ABITRAM: variants seen among roughly 807,000 people sequenced by gnomAD.
ABITRAM encodes the protein actin binding transcription modulator, also known as protein Abitram.
ABITRAM carries 19 observed loss-of-function variants against 22.9 expected under a neutral mutation model. The observed-to-expected ratio is 0.83, with a 90% CI of 0.58 to 1.22. ABITRAM has a LOEUF of 1.22. Among genes scored for constraint, ABITRAM ranks in the 50% most tolerant of loss-of-function variants. ABITRAM has a pLI of 0.00. For missense variants in ABITRAM, 215 were observed against 220.2 expected (o/e 0.98, Z 0.15); for synonymous variants, 70 against 73.9 (o/e 0.95, Z 0.27).
rs1424775799 is a variant in ABITRAM at position 108,939,763 on chromosome 9, C to G, written c.*77C>G. On this transcript the variant is annotated 3_prime_UTR_variant, in exon 6 of 6. Transcript: ENST00000322940. ...CCATCAGGGTACTAAAGGAGAAGAA[C>G]CAGTATATGTAAAGCATACCTAACA... 3 of 1,549,164 alleles carry G rather than the reference C, an allele frequency of 1.9e-6. No homozygotes were observed. Among genetic ancestry groups the G allele is most frequent in the Admixed American group, 1.8e-5 (1 of 55,024 alleles).
At position 108,934,474 on chromosome 9, in the gene ABITRAM, G is replaced by A. The variant is rs747383077; in HGVS notation, c.-13G>A. ...GGTCCCGGAGGGCGGGGGTGGCGGC[G>A]CCGGAGGTCGCCATGGCTACCGAGC... On this transcript the variant is annotated 5_prime_UTR_variant, in exon 1 of 6. Transcript: ENST00000322940. 6.3e-6 allele frequency: 10 copies of A among 1,593,402 alleles called. No homozygotes were observed. Among genetic ancestry groups the A allele is most frequent in the Non-Finnish European group, 8.5e-6 (10 of 1,171,722 alleles).
rs750613572 is a variant in ABITRAM, at chr9:108,939,173, ACTT to A, written c.262-18_262-16del. 4.4e-6 allele frequency: 7 copies of A among 1,603,208 alleles called. No homozygotes were observed. In the East Asian group the frequency reaches 1.3e-4, roughly 31 times the overall value. On this transcript the variant is annotated intron_variant, in intron 3 of 5. Coordinates refer to ENST00000322940, the MANE Select transcript of ABITRAM (RefSeq NM_017832.4). Reference sequence around the variant, plus strand: ...AAGTGGAAATGTCCATCAACTGATTACTTCTTCCGTCTCATTACACAGGGGGCA... The same window carrying A: ...AAGTGGAAATGTCCATCAACTGATTACTTCCGTCTCATTACACAGGGGGCA...
intron 3 of ABITRAM, among the ~76,000 whole-genome samples, chr9:108,949,262 A>G (rs1034689548): frequency 6.6e-6 from 1 of 152,194 alleles, no homozygotes; most frequent in Admixed American, 6.5e-5. Context: ...AAGAAGTCCT[A>G]TTCCACAGAG....
rs570263001 is a variant in ABITRAM, at chr9:108,940,684, A to G, written c.*998A>G. 1.3e-5 allele frequency: 2 copies of G among 152,318 alleles called. No homozygotes were observed. Among genetic ancestry groups the G allele is most frequent in the East Asian group, 3.9e-4 (2 of 5,182 alleles). The allele number at this position is 152,318 out of a possible 1,614,324, so 9.4% of individuals were successfully genotyped here. On this transcript the variant is annotated 3_prime_UTR_variant, in exon 6 of 6. Transcript: ENST00000322940. The stretch of plus-strand genomic sequence containing the variant: ...GGAAGCTAATTCTTGAAATATGCAC[A>G]TTATAGTTACTCAGTCTCACATACT...
chr9:108,943,743 G>A (rs1190619234), downstream of ABITRAM: 3 of 1,613,642 alleles, frequency 1.9e-6, no homozygotes, highest in Non-Finnish European at 2.5e-6. Flanking sequence ...CTTAGTTACT[G>A]TCTGGAGCTG....
At chr9:108,948,248 A>C (rs1273770344) in intron 3 of ABITRAM, 2 of 1,609,268 alleles carry the variant, frequency 1.2e-6, no homozygotes, top group Non-Finnish European at 1.7e-6. Flanking sequence ...AAATAAAATT[A>C]ATTGTTAAGA....
At chr9:108,939,057 TG>T (rs1830223803) in intron 3 of ABITRAM, 138 bp from the exon 4 acceptor site, 2 of 679,732 alleles carry the variant, frequency 2.9e-6, no homozygotes, top group Non-Finnish European at 4.9e-6. Flanking sequence ...CTGAAATTAA[TG>T]AATGGTTTTT....
intron 3 of ABITRAM, among the ~76,000 whole-genome samples, chr9:108,950,348 C>CA (rs1016931025): frequency 2.6e-5 from 4 of 152,142 alleles, no homozygotes; most frequent in African/African-American, 9.7e-5. Context: ...TGGGAAGACT[C>CA]AATCACAGGA....
intron 3 of ABITRAM, among the ~76,000 whole-genome samples, chr9:108,936,648 C>A (rs1830191247): frequency 6.6e-6 from 1 of 152,132 alleles, no homozygotes; most frequent in South Asian, 2.1e-4. Context: ...ATATTAGGTT[C>A]TGTGCTACTA....
rs1465488241 is a variant in ABITRAM, at chr9:108,950,632, T to C, written c.*39T>C. The C allele has an allele frequency of 2.6e-6, 4 of 1,544,944 alleles. No individual in the cohort carries two copies. The African/African-American group carries it at 4.1e-5, about 16-fold the overall frequency. On this transcript the variant is annotated 3_prime_UTR_variant, in exon 4 of 4. Transcript: ENST00000374624. ...GGAAGGAATCTTCACGAGCACAGGA[T>C]CCCTCACTTCTGTCTGCTGCCTCAC...
chr9:108,935,910 T>C (rs1830178208), intron 2 of ABITRAM: 2 of 555,790 alleles, frequency 3.6e-6, no homozygotes, highest in Non-Finnish European at 6.4e-6. Context: ...TACTCAAACA[T>C]CCAAATGGAG....
At chr9:108,948,424 AT>A (rs1351928664) in intron 3 of ABITRAM, among the ~76,000 whole-genome samples, 1 of 152,190 alleles carries the variant, frequency 6.6e-6, no homozygotes, top group African/African-American at 2.4e-5. Flanking sequence ...TTATTAAGAT[AT>A]TTTTCCCCAA....
chr9:108,938,441 TGAGCCTCCCTGTAGATACTTGTGA>T (rs1830213992), intron 3 of ABITRAM, among the ~76,000 whole-genome samples: 1 of 152,196 alleles, frequency 6.6e-6, no homozygotes, highest in Non-Finnish European at 1.5e-5. Context: ...CTGGCTCTCA[TGAGCCTCCCTGTAGATACTTGTGA>T]GAGCCTCCCC....
chr9:108,941,912 G>T (rs1830260501), downstream of ABITRAM, among the ~76,000 whole-genome samples: 1 of 152,120 alleles, frequency 6.6e-6, no homozygotes, highest in Non-Finnish European at 1.5e-5. Flanking sequence ...AAAGACTAAA[G>T]AAAGATGTTT....
chr9:108,945,463 C>CTTT (rs578073650), downstream of ABITRAM, among the ~76,000 whole-genome samples: 3 of 135,506 alleles, frequency 2.2e-5, no homozygotes, highest in South Asian at 2.4e-4. Context: ...GGTTTTCTTC[C>CTTT]TTTTTTTTTT....
rs1351130289 is a variant in ABITRAM, at chr9:108,934,550, C to T, written c.64C>T (p.Arg22Cys). The T allele has an allele frequency of 1.2e-6, 2 of 1,605,808 alleles. No homozygotes were observed. The highest frequency in any genetic ancestry group is 1.7e-5 in the Admixed American group (1 of 59,372). ...TTCGCTCGTGGATCGATACTTCACTCGCTGGTACAAACCGGGTAAGTGCGG... is the reference window on the plus strand; with the variant it reads ...TTCGCTCGTGGATCGATACTTCACTTGCTGGTACAAACCGGGTAAGTGCGG... ...VPSLVDRYFT[R>C]WYKPDVKGKF... The change falls in exon 1 of 6, where the codon CGC becomes TGC. Residue 22 changes from arginine to cysteine, a missense_variant. Coordinates refer to ENST00000322940, the MANE Select transcript of ABITRAM (RefSeq NM_017832.4).
intron 2 of ABITRAM, chr9:108,936,010 A>T: frequency 2.0e-6 from 1 of 493,734 alleles, no homozygotes; most frequent in South Asian, 2.6e-5. Flanking sequence ...CGGTAGAGAC[A>T]TGTATGGTAT....
chr9:108,938,694 G>GT (rs1830218697), intron 3 of ABITRAM, among the ~76,000 whole-genome samples: 2 of 145,180 alleles, frequency 1.4e-5, no homozygotes, highest in African/African-American at 5.0e-5. Context: ...TTACAAAGGG[G>GT]GGGGGGGGAA....
chr9:108,941,823 A>C (rs1222358033), downstream of ABITRAM, among the ~76,000 whole-genome samples: 1 of 152,224 alleles, frequency 6.6e-6, no homozygotes, highest in African/African-American at 2.4e-5. Context: ...CTATATTATA[A>C]GGAGAAAACC....
Sources: gnomAD v4.1 joint callset for allele counts (sites outside exome capture counted in the v4.1 genomes callset) on GRCh38, gnomAD v4.1.1 for gene constraint, MANE v1.5 for transcripts, NCBI Gene and HGNC (gene_info 2026-07-23, HGNC 2026-07-21) for gene names.